LMF1: variants seen among roughly 807,000 people sequenced by gnomAD.
The protein encoded by LMF1 is lipase maturation factor 1, also known as transmembrane protein 112.
A neutral mutation model predicts 60.6 loss-of-function variants in LMF1; 68 were observed. The ratio of observed to expected loss-of-function variants is 1.12; its 90% CI spans 0.92 to 1.37. The LOEUF (loss-of-function observed/expected upper bound fraction) is 1.37, where lower values mean the gene tolerates loss of function less well. Among genes scored for constraint, LMF1 ranks in the 40% most tolerant of loss-of-function variants. The probability of loss-of-function intolerance (pLI) is 0.00; values close to 1 mark genes in which losing one functional copy is unlikely to be tolerated. For synonymous variants in LMF1, 418 were observed against 324.7 expected (o/e 1.29, Z -3.09); for missense variants, 948 against 767.2 (o/e 1.24, Z -2.78).
chr16:977,227 G>T (rs2073173889), intron 1 of LMF1: 3 of 396,980 alleles, frequency 7.6e-6, no homozygotes, highest in South Asian at 3.7e-5. Context: ...ACCCAAACCG[G>T]AACTCGTGCC....
intron 2 of LMF1, 53 bp downstream of exon 2, chr16:954,304 G>A (rs2072609497): frequency 6.5e-7 from 1 of 1,538,902 alleles, no homozygotes; most frequent in Admixed American, 1.7e-5. Flanking sequence ...TGCAGTGCCT[G>A]TGCTGAGTGA....
At chr16:939,859 G>T (rs560929001) in intron 2 of LMF1, among the ~76,000 whole-genome samples, 1 of 152,282 alleles carries the variant, frequency 6.6e-6, no homozygotes, top group African/African-American at 2.4e-5. Flanking sequence ...GAGAAGCCCT[G>T]GGCAGTGGGC....
chr16:929,546 G>T (rs557025690), intron 3 of LMF1, among the ~76,000 whole-genome samples: 2 of 152,344 alleles, frequency 1.3e-5, no homozygotes, highest in East Asian at 3.9e-4. Flanking sequence ...TTTCCAATGC[G>T]CAAGGGCGGC....
intron 6 of LMF1, among the ~76,000 whole-genome samples, chr16:875,642 G>A (rs975476660): frequency 6.6e-6 from 1 of 152,158 alleles, no homozygotes; most frequent in African/African-American, 2.4e-5. Context: ...CATGGAAGCG[G>A]GAGGTGGGAT....
intron 4 of LMF1, chr16:902,120 T>G (rs904601327): frequency 6.6e-6 from 1 of 152,332 alleles, no homozygotes; most frequent in Non-Finnish European, 1.5e-5. Context: ...TGGGTTGGGC[T>G]GAGGATGCCC....
intron 6 of LMF1, chr16:872,558 G>GCCACCAGCT (rs2069830298): frequency 6.6e-6 from 1 of 152,328 alleles, no homozygotes; most frequent in African/African-American, 2.4e-5. Context: ...AGCCACCTCT[G>GCCACCAGCT]CCACCAGCTC....
chr16:975,124 T>C (rs895140803), upstream of LMF1, among the ~76,000 whole-genome samples: 26 of 152,240 alleles, frequency 1.7e-4, no homozygotes, highest in African/African-American at 6.0e-4. Flanking sequence ...ACGGCTGTTC[T>C]GCTTGGCTCA....
At chr16:970,666 G>A (rs1384070384) in intron 1 of LMF1, 122 bp downstream of exon 1, 6 of 910,804 alleles carry the variant, frequency 6.6e-6, no homozygotes, top group Non-Finnish European at 8.0e-6. Flanking sequence ...GCCCCAGCAG[G>A]AAGGAGGGCT....
intron 2 of LMF1, chr16:947,730 C>A (rs2072273670): frequency 1.3e-5 from 5 of 374,118 alleles, no homozygotes; most frequent in South Asian, 9.9e-5. Flanking sequence ...GGGCCACTGC[C>A]AAAGCCAAGC....
At chr16:917,469 C>T (rs1000234114) in intron 3 of LMF1, among the ~76,000 whole-genome samples, 2 of 135,994 alleles carry the variant, frequency 1.5e-5, no homozygotes, top group East Asian at 2.2e-4. Flanking sequence ...AAATGCCACA[C>T]GTGTGCGCTG....
intron 1 of LMF1, among the ~76,000 whole-genome samples, chr16:977,790 C>T (rs2073193711): frequency 6.6e-6 from 1 of 151,896 alleles, no homozygotes; most frequent in Non-Finnish European, 1.5e-5. Context: ...GGCAGCCCTG[C>T]TTCCTCCTCG....
intron 2 of LMF1, among the ~76,000 whole-genome samples, chr16:937,560 G>T (rs1389878902): frequency 6.6e-6 from 1 of 152,144 alleles, no homozygotes; most frequent in African/African-American, 2.4e-5. Flanking sequence ...CAGGTCGTTG[G>T]GGTCTCTGTG....
intron 10 of LMF1, among the ~76,000 whole-genome samples, chr16:862,933 C>T (rs1241633859): frequency 6.6e-6 from 1 of 152,132 alleles, no homozygotes; most frequent in African/African-American, 2.4e-5. Flanking sequence ...GGAAATTAAT[C>T]TTAGAATTCT....
At chr16:859,927 GTGT>G (rs2069400829) in intron 10 of LMF1, among the ~76,000 whole-genome samples, 1 of 134,934 alleles carries the variant, frequency 7.4e-6, no homozygotes, top group African/African-American at 3.7e-5. Context: ...CACGGGATCG[GTGT>G]GAGTGGTGTC....
chr16:944,788 G>A (rs771441712), intron 2 of LMF1, among the ~76,000 whole-genome samples: 11 of 152,116 alleles, frequency 7.2e-5, no homozygotes, highest in Non-Finnish European at 1.2e-4. Context: ...CTGAAGTCTC[G>A]CCCTGTCTAC....
intron 2 of LMF1, among the ~76,000 whole-genome samples, chr16:953,340 T>C (rs113480335): frequency 0.022 from 361 of 16,408 alleles, 84 homozygotes; most frequent in South Asian, 0.054. Context: ...CCAAACCAGC[T>C]TCCTACACGT....
intron 4 of LMF1, among the ~76,000 whole-genome samples, chr16:905,835 C>T (rs1310730152): frequency 6.6e-6 from 1 of 152,092 alleles, no homozygotes; most frequent in Non-Finnish European, 1.5e-5. Flanking sequence ...GCTTGAACTC[C>T]TGAGCTCAAG....
chr16:901,340 A>C (rs2070807173), intron 4 of LMF1: 1 of 149,954 alleles, frequency 6.7e-6, no homozygotes, highest in Non-Finnish European at 1.5e-5. Flanking sequence ...GCCCCTGTGC[A>C]GGTGGCACAG....
chr16:874,831 G>A lies in LMF1; in HGVS notation c.898-3490C>T, dbSNP rs1290999892. On this transcript the variant is annotated intron_variant, in intron 6 of 10. Transcript: ENST00000262301. The surrounding 1 kb of genome is among the most constrained non-coding windows in gnomAD (Gnocchi z 4.1). ...GGCTGTCACAGCGCGGCACAGGGGA[G>A]TACGCAGCCCCAGCCAGGACACTAC... is the stretch of plus-strand genomic sequence containing the variant. Among the ~76,000 whole-genome samples the A allele has an allele frequency of 6.6e-6, 1 of 152,028 alleles. No homozygotes were observed. The highest frequency in any genetic ancestry group is 1.5e-5 in the Non-Finnish European group (1 of 68,010).
Sources: gnomAD v4.1 joint callset for allele counts (sites outside exome capture counted in the v4.1 genomes callset) on GRCh38, gnomAD v4.1.1 for gene constraint, Gnocchi (gnomAD v3.1) non-coding constraint, MANE v1.5 for transcripts, NCBI Gene and HGNC (gene_info 2026-07-23, HGNC 2026-07-21) for gene names.